RBFOX2: variants seen among roughly 807,000 people sequenced by gnomAD.
RBFOX2 encodes the protein RNA binding protein fox-1 homolog 2.
A neutral mutation model predicts 49.1 loss-of-function variants in RBFOX2; 10 were observed. The observed-to-expected ratio is 0.20, with a 90% CI of 0.13 to 0.35. RBFOX2 has a LOEUF of 0.35. Ranked by LOEUF, RBFOX2 falls within the 10% of genes least tolerant of loss-of-function variation. RBFOX2 has a pLI of 1.00. For missense variants in RBFOX2, 323 were observed against 486.9 expected (o/e 0.66, Z 3.17); for synonymous variants, 183 against 187.4 (o/e 0.98, Z 0.19).
intron 1 of RBFOX2, among the ~76,000 whole-genome samples, chr22:35,850,045 A>G (rs1358438505): frequency 6.6e-6 from 1 of 152,116 alleles, no homozygotes; most frequent in African/African-American, 2.4e-5. Flanking sequence ...CCAAAATAAT[A>G]TATATGTTCC....
chr22:35,977,804 T>A (rs1422929265), intron 1 of RBFOX2, among the ~76,000 whole-genome samples: 2 of 90,892 alleles, frequency 2.2e-5, no homozygotes, highest in Non-Finnish European at 4.5e-5. Context: ...ACGTATAAAA[T>A]CCCCCTCAAA....
rs375500668 is a variant in RBFOX2, at chr22:35,876,039, C to T, written c.-34+62808G>A. Among the ~76,000 whole-genome samples, 12 of 151,916 alleles carry T rather than the reference C, an allele frequency of 7.9e-5. No homozygotes were observed. The East Asian group carries it at 2.3e-3, about 29-fold the overall frequency. On this transcript the variant is annotated intron_variant, in intron 1 of 13. Transcript: ENST00000359369. ...GAGTTACTGAAAAAATGCAAATCACCGATAAACAAAGGTAGAAATCTGATA... is the reference window on the plus strand; with the variant it reads ...GAGTTACTGAAAAAATGCAAATCACTGATAAACAAAGGTAGAAATCTGATA...
At chr22:35,798,001 G>A (rs552840625) in intron 2 of RBFOX2, among the ~76,000 whole-genome samples, 1 of 152,222 alleles carries the variant, frequency 6.6e-6, no homozygotes, top group South Asian at 2.1e-4. Context: ...TTGAGACTGA[G>A]TTTCCCTCTT....
intron 1 of RBFOX2, chr22:35,897,522 G>C (rs1371369577): frequency 1.2e-6 from 1 of 821,426 alleles, no homozygotes; most frequent in Non-Finnish European, 2.2e-6. Flanking sequence ...AGGTGGCAAG[G>C]GGTACGGGAG....
At chr22:35,861,427 C>T (rs200636176) in intron 1 of RBFOX2, among the ~76,000 whole-genome samples, 1 of 152,022 alleles carries the variant, frequency 6.6e-6, no homozygotes, top group East Asian at 1.9e-4. Flanking sequence ...TCAGAATATA[C>T]AAGAACTCTC....
intron 1 of RBFOX2, among the ~76,000 whole-genome samples, chr22:35,891,036 T>G (rs1796035018): frequency 6.6e-6 from 1 of 152,148 alleles, no homozygotes; most frequent in Admixed American, 6.5e-5. Context: ...GTATGTTAAT[T>G]GAATAGCATA....
At chr22:35,900,219 T>G (rs1036159219) in intron 1 of RBFOX2, among the ~76,000 whole-genome samples, 1 of 152,168 alleles carries the variant, frequency 6.6e-6, no homozygotes, top group Admixed American at 6.5e-5. Flanking sequence ...GTTCAAGTGA[T>G]TCTCCTGTCT....
rs539210285 is a variant in RBFOX2, at chr22:35,982,380, T to A, written c.187-43483A>T. ...GCTAGTTTAGACCCTCCTCCCCCCA[T>A]CTCCCCATTTACTCAATTCTCTTAA... On this transcript the variant is annotated intron_variant, in intron 1 of 13. Coordinates refer to the RBFOX2 transcript ENST00000438146. Among the ~76,000 whole-genome samples, 15 of 152,090 alleles carry A rather than the reference T, an allele frequency of 9.9e-5. No homozygotes were observed. In the South Asian group the frequency reaches 3.1e-3, roughly 32 times the overall value.
intron 1 of RBFOX2, among the ~76,000 whole-genome samples, chr22:35,869,371 C>T (rs1206166929): frequency 2.7e-5 from 4 of 147,762 alleles, no homozygotes; most frequent in Non-Finnish European, 4.5e-5. Context: ...CCAGTCCAGG[C>T]TGGTCTGGAA....
At chr22:35,812,009 C>T (rs1047924734) in intron 1 of RBFOX2, among the ~76,000 whole-genome samples, 3 of 151,480 alleles carry the variant, frequency 2.0e-5, no homozygotes, top group Admixed American at 1.3e-4. Flanking sequence ...TTCTGTAATC[C>T]CAGCACCTTG....
At chr22:35,939,471 C>T (rs1210870265), upstream of RBFOX2, among the ~76,000 whole-genome samples, 1 of 152,022 alleles carries the variant, frequency 6.6e-6, no homozygotes, top group Non-Finnish European at 1.5e-5. Context: ...TCTTTGAAAT[C>T]TGGATGAAAT....
intron 1 of RBFOX2, among the ~76,000 whole-genome samples, chr22:36,015,002 G>T (rs1053052687): frequency 3.9e-5 from 6 of 152,194 alleles, no homozygotes; most frequent in African/African-American, 1.4e-4. Context: ...ATCATGACAA[G>T]CAGCTAAAGA....
At chr22:35,827,546 T>C (rs1205589512) in intron 1 of RBFOX2, among the ~76,000 whole-genome samples, 2 of 152,228 alleles carry the variant, frequency 1.3e-5, no homozygotes, top group Admixed American at 1.3e-4. Flanking sequence ...TCAGATAATG[T>C]CTTGTATAAC....
intron 1 of RBFOX2, among the ~76,000 whole-genome samples, chr22:35,946,570 C>A (rs890130727): frequency 6.6e-6 from 1 of 152,178 alleles, no homozygotes; most frequent in Non-Finnish European, 1.5e-5. Context: ...TCCTTCCCAA[C>A]CCCCACGTCT....
chr22:35,898,419 CTTTTTTTTTTT>C, intron 1 of RBFOX2: 2 of 277,854 alleles, frequency 7.2e-6, no homozygotes, highest in Non-Finnish European at 1.3e-5. Flanking sequence ...TCCCACAATC[CTTTTTTTTTTT>C]TTTTTTTTTT....
chr22:36,019,678 T>C (rs2059169977), intron 1 of RBFOX2, among the ~76,000 whole-genome samples: 1 of 152,214 alleles, frequency 6.6e-6, no homozygotes, highest in African/African-American at 2.4e-5. Flanking sequence ...AAATGGTGTT[T>C]ATTTACTACA....
At chr22:35,777,647 T>C (rs777701606) in intron 4 of RBFOX2, 13 of 185,964 alleles carry the variant, frequency 7.0e-5, no homozygotes, top group Non-Finnish European at 1.1e-4. Context: ...TGAATTGTTC[T>C]GATAGAATTC....
intron 9 of RBFOX2, among the ~76,000 whole-genome samples, chr22:35,758,016 C>T (rs758370300): frequency 2.0e-5 from 3 of 152,138 alleles, no homozygotes; most frequent in Non-Finnish European, 4.4e-5. Flanking sequence ...CTAGAAGAAT[C>T]CCAATATTCC....
intron 1 of RBFOX2, among the ~76,000 whole-genome samples, chr22:35,937,563 TG>T (rs747013729): frequency 2.6e-4 from 40 of 152,250 alleles, no homozygotes; most frequent in Non-Finnish European, 4.6e-4. Context: ...TCCTAGTTTT[TG>T]TTTTTTTGTA....
Sources: gnomAD v4.1 joint callset for allele counts (sites outside exome capture counted in the v4.1 genomes callset) on GRCh38, gnomAD v4.1.1 for gene constraint, MANE v1.5 for transcripts, NCBI Gene and HGNC (gene_info 2026-07-23, HGNC 2026-07-21) for gene names.